The following AQR variants were observed in gnomAD, a reference collection of about 807,000 sequenced individuals.
AQR encodes the protein RNA helicase aquarius.
Under a neutral mutation model 180.5 loss-of-function variants are expected in AQR, and 61 were observed. The observed-to-expected ratio is 0.34, with a 90% CI of 0.28 to 0.42. AQR has a LOEUF of 0.42. Ranked by LOEUF, AQR falls within the 10% of genes least tolerant of loss-of-function variation. The pLI, the probability that AQR is intolerant of heterozygous loss-of-function variation, is 1.00. For synonymous variants in AQR, 551 were observed against 588.8 expected (o/e 0.94, Z 0.93); for missense variants, 1,281 against 1,798.3 (o/e 0.71, Z 5.20).
At chr15:34,946,104 C>G (rs1894108720) in intron 5 of AQR, among the ~76,000 whole-genome samples, 1 of 152,100 alleles carries the variant, frequency 6.6e-6, no homozygotes, top group South Asian at 2.1e-4. Context: ...AACCCCATCT[C>G]TACTAAAAAT....
chr15:34,905,623 A>T (rs1259076687), intron 18 of AQR, among the ~76,000 whole-genome samples: 2 of 150,572 alleles, frequency 1.3e-5, no homozygotes, highest in East Asian at 3.9e-4. Context: ...GCATTTTCAA[A>T]CGCAGGACAG....
At chr15:34,933,333 CAAGG>C (rs1488992748) in intron 10 of AQR, among the ~76,000 whole-genome samples, 5 of 152,138 alleles carry the variant, frequency 3.3e-5, no homozygotes, top group African/African-American at 1.2e-4. Context: ...CTTCTCCAGA[CAAGG>C]AACAGATTTT....
At chr15:34,954,206 C>T (rs1045974890) in intron 3 of AQR, among the ~76,000 whole-genome samples, 2 of 152,178 alleles carry the variant, frequency 1.3e-5, no homozygotes, top group Non-Finnish European at 2.9e-5. Context: ...CGTGAGCTAC[C>T]ACACCTGACG....
intron 12 of AQR, among the ~76,000 whole-genome samples, chr15:34,927,598 G>A (rs1893783608): frequency 6.6e-6 from 1 of 152,230 alleles, no homozygotes; most frequent in African/African-American, 2.4e-5. Flanking sequence ...TCACAGGGTA[G>A]CACTCTCAAC....
intron 5 of AQR, 36 bp downstream of exon 5, chr15:34,948,228 C>G (rs1213386376): frequency 1.2e-6 from 2 of 1,607,972 alleles, no homozygotes; most frequent in Non-Finnish European, 1.7e-6. Flanking sequence ...TTATGTGGGT[C>G]AGTATGAAAG....
chr15:34,888,628 C>A (rs1044582547), intron 24 of AQR, among the ~76,000 whole-genome samples: 1 of 151,766 alleles, frequency 6.6e-6, no homozygotes, highest in Non-Finnish European at 1.5e-5. Context: ...ACCCAGGAAG[C>A]GGAGGTTGCA....
At chr15:34,947,515 ATAATAAT>A (rs1894147751) in intron 5 of AQR, among the ~76,000 whole-genome samples, 1 of 127,342 alleles carries the variant, frequency 7.9e-6, no homozygotes, top group Non-Finnish European at 1.8e-5. Context: ...AATAAAAAAA[ATAATAAT>A]AATAATAATA....
At chr15:34,926,099 G>A (rs1353006120) in intron 13 of AQR, among the ~76,000 whole-genome samples, 1 of 151,832 alleles carries the variant, frequency 6.6e-6, no homozygotes, top group South Asian at 2.1e-4. Context: ...CCCGGGAGGC[G>A]GAACTTGCAG....
At chr15:34,966,694 A>C (rs16960205) in intron 1 of AQR, among the ~76,000 whole-genome samples, 22 of 152,280 alleles carry the variant, frequency 1.4e-4, no homozygotes, top group African/African-American at 5.3e-4. Flanking sequence ...AAATGGATAC[A>C]TAAGTGAATT....
At position 34,855,415 on chromosome 15, in the gene AQR, G is replaced by A. The variant is rs999455454; in HGVS notation, c.*1377C>T. ...AGGCCCATAGGTGGATGCACTAGAG[G>A]AGACATTCTGGGGTAAATGCTCCCC... On this transcript the variant is annotated 3_prime_UTR_variant, in exon 35 of 35. Transcript: ENST00000156471. The A allele has an allele frequency of 5.9e-5, 9 of 152,184 alleles. No individual in the cohort carries two copies. 9.4% of individuals were successfully genotyped at this position (152,184 alleles called of 1,614,324 possible). A position where few individuals can be genotyped will look rare whatever the true frequency, so the allele number is the denominator to read the frequency against.
At chr15:34,894,693 C>G (rs920295019) in intron 22 of AQR, among the ~76,000 whole-genome samples, 16 of 151,612 alleles carry the variant, frequency 1.1e-4, no homozygotes, top group African/African-American at 2.9e-4. Flanking sequence ...AGATGTAGCA[C>G]ATAAAACAAC....
intron 6 of AQR, chr15:34,943,162 A>C: frequency 1.2e-6 from 2 of 1,611,124 alleles, no homozygotes; most frequent in Non-Finnish European, 1.7e-6. Context: ...CAGTACAAGA[A>C]GGGCAAGGAT....
At chr15:34,915,679 C>T (rs1483335007) in intron 15 of AQR, among the ~76,000 whole-genome samples, 3 of 151,864 alleles carry the variant, frequency 2.0e-5, no homozygotes, top group African/African-American at 7.3e-5. Context: ...GGCACGGTGG[C>T]TCACGCCTGT....
intron 5 of AQR, among the ~76,000 whole-genome samples, chr15:34,946,307 T>G (rs142741809): frequency 6.6e-6 from 1 of 152,304 alleles, no homozygotes; most frequent in Non-Finnish European, 1.5e-5. Context: ...GAAATTATAA[T>G]GTAAGCATCT....
In AQR at chr15:34,942,067, A is replaced by G; in HGVS notation, c.485T>C (p.Ile162Thr). 1 of 1,612,326 alleles carries G rather than the reference A, an allele frequency of 6.2e-7. No individual in the cohort carries two copies. Among genetic ancestry groups the G allele is most frequent in the African/African-American group, 1.3e-5 (1 of 75,004 alleles). ...GATAAGCTGCTGTACTTGACTTCGT[A>G]TCAAGTCTACTTCCTGTTTAGGGCA... ...HCFNSLEVDL[I>T]RSQVQQLISL... The change falls in exon 7 of 35, where the codon ATA becomes ACA. Residue 162 changes from isoleucine to threonine, a missense_variant. By Grantham distance (89) the Ile-to-Thr change is moderately conservative. Coordinates refer to ENST00000156471, the MANE Select transcript of AQR (RefSeq NM_014691.3).
chr15:34,856,668 CA>C lies in AQR; in HGVS notation c.*123del. 2.6e-6 allele frequency: 2 copies of C among 777,006 alleles called. No individual in the cohort carries two copies. The highest frequency in any genetic ancestry group is 3.8e-6 in the Non-Finnish European group (2 of 530,928). 48.1% of individuals were successfully genotyped at this position (777,006 alleles called of 1,614,324 possible). On this transcript the variant is annotated 3_prime_UTR_variant, in exon 35 of 35. Coordinates refer to ENST00000156471, the MANE Select transcript of AQR (RefSeq NM_014691.3). ...TATTCAAGACACCGAAATCAGTTAA[CA>C]AATATAAGAACTAAACATTAATTAG...
At chr15:34,944,014 T>C (rs959155245) in intron 6 of AQR, among the ~76,000 whole-genome samples, 2 of 152,366 alleles carry the variant, frequency 1.3e-5, no homozygotes, top group African/African-American at 2.4e-5. Flanking sequence ...CTTTAGAGTT[T>C]CAGTTCTTAT....
intron 16 of AQR, among the ~76,000 whole-genome samples, chr15:34,913,280 G>T (rs1893527089): frequency 6.6e-6 from 1 of 152,104 alleles, no homozygotes; most frequent in African/African-American, 2.4e-5. Context: ...GCATTAAAAA[G>T]TATAGATTTC....
At chr15:34,939,838 G>A (rs1893997053) in intron 8 of AQR, among the ~76,000 whole-genome samples, 2 of 152,286 alleles carry the variant, frequency 1.3e-5, no homozygotes, top group Non-Finnish European at 2.9e-5. Flanking sequence ...ATTTAATATT[G>A]ATAACAGTCC....
Sources: gnomAD v4.1 joint callset for allele counts (sites outside exome capture counted in the v4.1 genomes callset) on GRCh38, gnomAD v4.1.1 for gene constraint, MANE v1.5 for transcripts, NCBI Gene and HGNC (gene_info 2026-07-23, HGNC 2026-07-21) for gene names.